TSPOAP1: variants seen among roughly 807,000 people sequenced by gnomAD.
TSPOAP1 encodes peripheral-type benzodiazepine receptor-associated protein 1.
Under a neutral mutation model 197.0 loss-of-function variants are expected in TSPOAP1, and 87 were observed. That is an observed-to-expected ratio of 0.44 (90% CI 0.37 to 0.53). TSPOAP1 has a LOEUF of 0.53. TSPOAP1 is among the 20% of genes least tolerant of loss of function. TSPOAP1 has a pLI of 0.00. For missense variants in TSPOAP1, 2,174 were observed against 2,411.3 expected (o/e 0.90, Z 2.06); for synonymous variants, 913 against 998.9 (o/e 0.91, Z 1.62).
chr17:58,307,972 T>G (rs1268950363), intron 22 of TSPOAP1, 31 bp from the exon 23 acceptor site: 1 of 1,580,040 alleles, frequency 6.3e-7, no homozygotes, highest in South Asian at 1.1e-5. Context: ...ATGGCAAAAG[T>G]AACACACCAT....
In TSPOAP1 at chr17:58,309,201, A is replaced by C; in HGVS notation, c.4071T>G (p.Pro1357=). 1.2e-6 allele frequency: 2 copies of C among 1,614,028 alleles called. No individual in the cohort carries two copies. The highest frequency in any genetic ancestry group is 1.7e-6 in the Non-Finnish European group (2 of 1,180,010). The change falls in exon 22 of 32, where the codon CCT becomes CCG. Residue 1357 remains proline, a synonymous_variant. Coordinates refer to ENST00000343736, the MANE Select transcript of TSPOAP1 (RefSeq NM_004758.4). This position sits in a 1 kb window ranked among gnomAD's most constrained non-coding sequence, Gnocchi z 5.0. ...KSGAGCSSRD[P]GPPEPALLGL... Reference sequence around the variant, plus strand: ...CCAGCAATGCAGGTTCAGGCGGGCCAGGGTCTCGGGAAGAACAGCCTGCCC... The same window carrying C: ...CCAGCAATGCAGGTTCAGGCGGGCCCGGGTCTCGGGAAGAACAGCCTGCCC...
At position 58,304,983 on chromosome 17, in the gene TSPOAP1, G is replaced by A. The variant is rs770292905; in HGVS notation, c.5544+78C>T. 4.8e-5 allele frequency: 54 copies of A among 1,124,064 alleles called. No individual in the cohort carries two copies. Among genetic ancestry groups the A allele is most frequent in the African/African-American group, 4.4e-4 (29 of 65,498 alleles). The allele number at this position is 1,124,064 out of a possible 1,614,324, so 69.6% of individuals were successfully genotyped here. On this transcript the variant is annotated intron_variant, in intron 30 of 31. Coordinates refer to ENST00000343736, the MANE Select transcript of TSPOAP1 (RefSeq NM_004758.4). This position sits in a 1 kb window ranked among gnomAD's most constrained non-coding sequence, Gnocchi z 4.2. ...TGACCACCCCAGCTGCACCCCTGCC[G>A]CAACACTGCCCTGGCCCTACCACCC... is the stretch of plus-strand genomic sequence containing the variant.
intron 17 of TSPOAP1, 60 bp from the exon 18 acceptor site, chr17:58,311,782 C>A (rs1254257085): frequency 1.3e-6 from 2 of 1,507,934 alleles, no homozygotes; most frequent in Non-Finnish European, 1.8e-6. Flanking sequence ...GAGATACCTG[C>A]CCAATTTGCT....
chr17:58,313,607 C>CAA (rs138024895), intron 16 of TSPOAP1, among the ~76,000 whole-genome samples: 15 of 110,618 alleles, frequency 1.4e-4, no homozygotes, highest in South Asian at 3.2e-4. Flanking sequence ...GATGCTGTAT[C>CAA]AAAAAAAAAA....
chr17:58,318,409 CTT>C lies in TSPOAP1; in HGVS notation c.1741_1742del (p.Lys581ValfsTer43), dbSNP rs776629366. 1 of 1,613,964 alleles carries C rather than the reference CTT, an allele frequency of 6.2e-7. No homozygotes were observed. The highest frequency in any genetic ancestry group is 8.5e-7 in the Non-Finnish European group (1 of 1,179,974). ...GAGTGGCAGGGGCAGGCTCGGAAGA[CTT>C]TGGGGTGCAGCGCCCAGGGGAGCCC... Reference protein sequence around the residue: ...PPGSPGRCTPKSSEPAPATLT... With the variant: ...PPGSPGRCTPXSSEPAPATLT... On this transcript the variant is annotated frameshift_variant, in exon 14 of 32. Coordinates refer to ENST00000343736, the MANE Select transcript of TSPOAP1 (RefSeq NM_004758.4). LOFTEE classifies it high-confidence loss of function.
At chr17:58,306,579 T>G in intron 25 of TSPOAP1, 166 bp from the exon 26 acceptor site, 1 of 913,752 alleles carries the variant, frequency 1.1e-6, no homozygotes, top group Non-Finnish European at 1.6e-6. Context: ...GGACCCAAAA[T>G]TCCTGGCTGC....
intron 1 of TSPOAP1, 121 bp downstream of exon 1, chr17:58,327,467 C>T: frequency 1.0e-6 from 1 of 957,574 alleles, no homozygotes; most frequent in Non-Finnish European, 1.6e-6. Flanking sequence ...GACCCACAGA[C>T]AGGCCAAGAG....
Position 58,324,360 on chromosome 17 carries a change from C to T in TSPOAP1, c.942+451G>A, listed in dbSNP as rs1266409609. 1.3e-5 allele frequency among the ~76,000 whole-genome samples: 2 copies of T among 152,142 alleles called. No homozygotes were observed. The highest frequency in any genetic ancestry group is 6.5e-5 in the Admixed American group (1 of 15,290). ...CCCCGCTCAGTGAGGGTTGCCTGTA[C>T]CTGGAGCCGGGGCGGACGCACCGCC... On this transcript the variant is annotated intron_variant, in intron 5 of 31. Transcript: ENST00000343736. This position sits in a 1 kb window ranked among gnomAD's most constrained non-coding sequence, Gnocchi z 5.8.
chr17:58,328,244 C>T lies in TSPOAP1; in HGVS notation c.-324G>A, dbSNP rs1598089635. ...CGACAGCTGCGCCTGGGTGAGGGTG[C>T]GTGTGTGTGTCTCCAGGTCTGTCCG... On this transcript the variant is annotated 5_prime_UTR_variant, in exon 1 of 32. Transcript: ENST00000343736. This position sits in a 1 kb window ranked among gnomAD's most constrained non-coding sequence, Gnocchi z 4.3. 1.5e-5 allele frequency: 6 copies of T among 403,140 alleles called. No homozygotes were observed. The highest frequency in any genetic ancestry group is 1.2e-4 in the South Asian group (4 of 33,458). The allele number at this position is 403,140 out of a possible 1,614,324, so 25.0% of individuals were successfully genotyped here.
chr17:58,302,499 C>T (rs897837915), intron 31 of TSPOAP1, 52 bp from the exon 32 acceptor site: 3 of 1,163,928 alleles, frequency 2.6e-6, no homozygotes, highest in Non-Finnish European at 3.2e-6. Flanking sequence ...CCTCCTGACC[C>T]CCTGACCCAT....
Position 58,324,887 on chromosome 17 carries a change from G to T in TSPOAP1, c.866C>A (p.Pro289Gln), listed in dbSNP as rs539115813. 3 of 1,532,376 alleles carry T rather than the reference G, an allele frequency of 2.0e-6. No homozygotes were observed. Among genetic ancestry groups the T allele is most frequent in the East Asian group, 2.5e-5 (1 of 40,752 alleles). The allele number at this position is 1,532,376 out of a possible 1,614,324, so 94.9% of individuals were successfully genotyped here. ...IALRNQRETLPLPPSWPPGPA... is the reference protein window; with the variant it reads ...IALRNQRETLQLPPSWPPGPA... ...GCCCGGGGGCCAGGACGGCGGGAGC[G>T]GGAGCGTCTCCCGCTGGTTGCGCAG... The change falls in exon 5 of 32, where the codon CCG becomes CAG. Residue 289 changes from proline to glutamine, a missense_variant. Around this residue, in one of 5 missense-constraint regions of TSPOAP1, gnomAD observed 1,933 missense variants for 2,139.0 expected, o/e 0.90. Coordinates refer to ENST00000343736, the MANE Select transcript of TSPOAP1 (RefSeq NM_004758.4). The surrounding 1 kb of genome is among the most constrained non-coding windows in gnomAD (Gnocchi z 5.8).
chr17:58,321,594 G>A (rs1003845988), intron 10 of TSPOAP1, among the ~76,000 whole-genome samples: 2 of 152,094 alleles, frequency 1.3e-5, no homozygotes, highest in African/African-American at 2.4e-5. Context: ...CACCATGCCC[G>A]GCCAGAACCT....
intron 16 of TSPOAP1, among the ~76,000 whole-genome samples, chr17:58,313,778 G>C (rs1971138921): frequency 6.6e-6 from 1 of 152,148 alleles, no homozygotes; most frequent in African/African-American, 2.4e-5. Flanking sequence ...TGAAGTAAGT[G>C]CTAGTGAAAT....
At chr17:58,311,366 A>C in intron 18 of TSPOAP1, 153 bp from the exon 19 acceptor site, 1 of 1,280,450 alleles carries the variant, frequency 7.8e-7, no homozygotes, top group Non-Finnish European at 1.1e-6. Context: ...ATCTCATTTC[A>C]TCCTCCTGGC....
In TSPOAP1 at chr17:58,312,144, A is replaced by G; in HGVS notation, c.2677T>C (p.Leu893=). 3 of 1,613,186 alleles carry G rather than the reference A, an allele frequency of 1.9e-6. No individual in the cohort carries two copies. The highest frequency in any genetic ancestry group is 2.5e-6 in the Non-Finnish European group (3 of 1,179,990). Residue 893 remains leucine (L), a synonymous_variant, in exon 17 of 32, where the codon TTG becomes CTG. Coordinates refer to ENST00000343736, the MANE Select transcript of TSPOAP1 (RefSeq NM_004758.4). ...GTGATCTCAGCAGATGTGGCTGTCAACCGATGGACCCGCAGCTGGCTGGGC... is the reference window on the plus strand; with the variant it reads ...GTGATCTCAGCAGATGTGGCTGTCAGCCGATGGACCCGCAGCTGGCTGGGC... ...VVPSQLRVHR[L]TATSAEITWV...
chr17:58,320,924 C>T (rs1405998847), intron 10 of TSPOAP1, among the ~76,000 whole-genome samples: 2 of 152,080 alleles, frequency 1.3e-5, no homozygotes, highest in African/African-American at 4.8e-5. Context: ...CTCCCTGTCC[C>T]CCATTTTGAA....
intron 5 of TSPOAP1, 97 bp from the exon 6 acceptor site, chr17:58,323,642 C>T: frequency 7.7e-7 from 1 of 1,296,686 alleles, no homozygotes; most frequent in Non-Finnish European, 1.1e-6. Flanking sequence ...CCCACCCCAT[C>T]ATTCAGCCAG....
rs974176241 is a variant in TSPOAP1 at position 58,309,775 on chromosome 17, C to T, written c.3891+192G>A. ...AGAAGGTACAGAAATGAACTCCTCC[C>T]CTTCCCCTTTCTTTCCAGGAGGGCA... is the stretch of plus-strand genomic sequence containing the variant. On this transcript the variant is annotated intron_variant, in intron 21 of 31. Coordinates refer to ENST00000343736, the MANE Select transcript of TSPOAP1 (RefSeq NM_004758.4). This position sits in a 1 kb window ranked among gnomAD's most constrained non-coding sequence, Gnocchi z 5.0. Among the ~76,000 whole-genome samples the T allele has an allele frequency of 6.6e-6, 1 of 152,188 alleles. No individual in the cohort carries two copies. Among genetic ancestry groups the T allele is most frequent in the Admixed American group, 6.5e-5 (1 of 15,284 alleles).
rs564716815 is a variant in TSPOAP1 at position 58,304,516 on chromosome 17, A to C, written c.5545-117T>G. On this transcript the variant is annotated intron_variant, in intron 30 of 31. Coordinates refer to ENST00000343736, the MANE Select transcript of TSPOAP1 (RefSeq NM_004758.4). The surrounding 1 kb of genome is among the most constrained non-coding windows in gnomAD (Gnocchi z 4.2). ...CCTACTCTCCAAGGCCTTTGTGTTC[A>C]CACATGGAAGCCCTGAGTTTTCTGG... 1.7e-5 allele frequency: 14 copies of C among 807,760 alleles called. 1 individual carries two copies. The South Asian group carries it at 2.0e-4, about 12-fold the overall frequency. The allele number at this position is 807,760 out of a possible 1,614,324, so 50.0% of individuals were successfully genotyped here. A position where few individuals can be genotyped will look rare whatever the true frequency, so the allele number is the denominator to read the frequency against.
Sources: allele counts gnomAD v4.1 joint callset (sites outside exome capture counted in the v4.1 genomes callset), GRCh38; gene constraint gnomAD v4.1.1; regional missense constraint gnomAD v4.1.1; non-coding constraint Gnocchi (gnomAD v3.1); transcripts MANE v1.5; gene names NCBI Gene and HGNC (gene_info 2026-07-23, HGNC 2026-07-21).